CASR: variants seen among roughly 807,000 people sequenced by gnomAD.
CASR encodes extracellular calcium-sensing receptor.
A neutral mutation model predicts 69.1 loss-of-function variants in CASR; 23 were observed. The observed-to-expected ratio is 0.33, with a 90% CI of 0.24 to 0.47. The LOEUF is 0.47. Ranked by LOEUF, CASR falls within the 20% of genes least tolerant of loss-of-function variation. The probability of loss-of-function intolerance (pLI) is 1.00; values close to 1 mark genes in which losing one functional copy is unlikely to be tolerated. For synonymous variants in CASR, 541 were observed against 544.7 expected, an observed-to-expected ratio of 0.99 and a Z score of 0.10; for missense variants, 924 against 1,356.1, an observed-to-expected ratio of 0.68 and a Z score of 5.00.
chr3:122,213,408 C>T (rs911331460), intron 1 of CASR, among the ~76,000 whole-genome samples: 9 of 152,194 alleles, frequency 5.9e-5, no homozygotes, highest in African/African-American at 2.2e-4. Context: ...CTGCAGACCC[C>T]AATCATGTCC....
chr3:122,236,934 G>A (rs2107612090), intron 1 of CASR, among the ~76,000 whole-genome samples: 1 of 152,090 alleles, frequency 6.6e-6, no homozygotes, highest in African/African-American at 2.4e-5. Flanking sequence ...TTTGTCTCTG[G>A]CCTTTCATTG....
intron 3 of CASR, among the ~76,000 whole-genome samples, chr3:122,257,838 A>G (rs1047488427): frequency 6.6e-6 from 1 of 152,242 alleles, no homozygotes; most frequent in African/African-American, 2.4e-5. Context: ...GAAGCAGAGC[A>G]TATTTTCTCA....
In CASR at chr3:122,290,903, T is replaced by C. The variant is rs1472587649; in HGVS notation, c.*5712T>C. Reference sequence around the variant, plus strand: ...CCTCCCCCCACCCCACAATAGGCCCTGGTGTGTGATGTTCCCCTTCCTGTG... The same window carrying C: ...CCTCCCCCCACCCCACAATAGGCCCCGGTGTGTGATGTTCCCCTTCCTGTG... On this transcript the variant is annotated 3_prime_UTR_variant, in exon 7 of 7. Coordinates refer to ENST00000639785, the MANE Select transcript of CASR (RefSeq NM_000388.4). 14 of 122,408 alleles carry C rather than the reference T, an allele frequency of 1.1e-4. No individual in the cohort carries two copies. The highest frequency in any genetic ancestry group is 2.1e-4 in the Non-Finnish European group (13 of 61,966). 7.6% of individuals were successfully genotyped at this position (122,408 alleles called of 1,614,324 possible). A position where few individuals can be genotyped will look rare whatever the true frequency, so the allele number is the denominator to read the frequency against.
intron 4 of CASR, among the ~76,000 whole-genome samples, chr3:122,262,676 G>GT (rs2074642301): frequency 6.6e-6 from 1 of 152,148 alleles, no homozygotes; most frequent in Non-Finnish European, 1.5e-5. Context: ...GTCCCCAAAA[G>GT]TTTTCAAATA....
In CASR at chr3:122,253,980, C is replaced by A. The variant is rs2074525250; in HGVS notation, c.-210C>A. Reference sequence around the variant, plus strand: ...CACAGGAGGCCTCTGCATGATGTGGCTTCCAAAGACTCAAGGACCACCCAC... The same window carrying A: ...CACAGGAGGCCTCTGCATGATGTGGATTCCAAAGACTCAAGGACCACCCAC... On this transcript the variant is annotated 5_prime_UTR_variant, in exon 2 of 7. Coordinates refer to ENST00000639785, the MANE Select transcript of CASR (RefSeq NM_000388.4). 1 of 609,504 alleles carries A rather than the reference C, an allele frequency of 1.6e-6. No individual in the cohort carries two copies. The highest frequency in any genetic ancestry group is 2.9e-6 in the Non-Finnish European group (1 of 341,638). The allele number at this position is 609,504 out of a possible 1,614,324, so 37.8% of individuals were successfully genotyped here.
In CASR at chr3:122,275,947, T is replaced by C. The variant is rs2107643628; in HGVS notation, c.1513T>C (p.Phe505Leu). 2.5e-6 allele frequency: 4 copies of C among 1,614,110 alleles called. No homozygotes were observed. Among genetic ancestry groups the C allele is most frequent in the Non-Finnish European group, 3.4e-6 (4 of 1,179,954 alleles). The change falls in exon 5 of 7, where the codon TTT becomes CTT. Residue 505 changes from phenylalanine to leucine, a missense_variant. Phe to Leu is a conservative substitution (Grantham distance 22). Transcript: ENST00000639785. ...CTCCCCAGAGGATGGCTCCATCGTGTTTAAGGAAGTCGGGTATTACAACGT... is the reference window on the plus strand; with the variant it reads ...CTCCCCAGAGGATGGCTCCATCGTGCTTAAGGAAGTCGGGTATTACAACGT... ...HLSPEDGSIV[F>L]KEVGYYNVYA...
chr3:122,231,999 C>A (rs567753693), intron 1 of CASR, among the ~76,000 whole-genome samples: 1 of 152,114 alleles, frequency 6.6e-6, no homozygotes, highest in African/African-American at 2.4e-5. Flanking sequence ...AGATAGCCAT[C>A]GCAGGAAGGA....
chr3:122,207,704 T>C (rs1290813647), intron 1 of CASR, among the ~76,000 whole-genome samples: 4 of 152,134 alleles, frequency 2.6e-5, no homozygotes, highest in Non-Finnish European at 4.4e-5. Flanking sequence ...GCAATAAAGA[T>C]GCTTATATCA....
At chr3:122,198,839 G>A (rs2073915208) in intron 1 of CASR, among the ~76,000 whole-genome samples, 1 of 142,378 alleles carries the variant, frequency 7.0e-6, no homozygotes, top group African/African-American at 2.7e-5. Flanking sequence ...ATATATGAGA[G>A]GATATATATA....
Position 122,254,076 on chromosome 3 carries a change from A to G in CASR, c.-114A>G, listed in dbSNP as rs200168711. On this transcript the variant is annotated 5_prime_UTR_variant, in exon 2 of 7. Coordinates refer to ENST00000639785, the MANE Select transcript of CASR (RefSeq NM_000388.4). The stretch of plus-strand genomic sequence containing the variant: ...CACGTCTTCTATTATTTTATTAATC[A>G]ATCTGTAGACATGTGTCCCCACTGC... 1.7e-4 allele frequency: 153 copies of G among 900,200 alleles called. No homozygotes were observed. The African/African-American group carries it at 2.1e-3, about 13-fold the overall frequency. The allele number at this position is 900,200 out of a possible 1,614,324, so 55.8% of individuals were successfully genotyped here. A position where few individuals can be genotyped will look rare whatever the true frequency, so the allele number is the denominator to read the frequency against.
At chr3:122,265,840 C>A (rs1229240170) in intron 4 of CASR, among the ~76,000 whole-genome samples, 1 of 152,134 alleles carries the variant, frequency 6.6e-6, no homozygotes, top group Non-Finnish European at 1.5e-5. Flanking sequence ...AGGCGTGCAG[C>A]CATGGTGAAG....
At chr3:122,245,296 A>G (rs922158004) in intron 1 of CASR, 1 of 152,182 alleles carries the variant, frequency 6.6e-6, no homozygotes, top group Admixed American at 6.5e-5. Flanking sequence ...AATATTTTCA[A>G]TCTGAAGTTG....
chr3:122,272,830 CT>C (rs2074775286), intron 4 of CASR, among the ~76,000 whole-genome samples: 1 of 152,178 alleles, frequency 6.6e-6, no homozygotes, highest in Admixed American at 6.5e-5. Flanking sequence ...TTAATGACTA[CT>C]TAGAAACTTT....
At chr3:122,243,927 A>C (rs2074402849) in intron 1 of CASR, among the ~76,000 whole-genome samples, 1 of 152,182 alleles carries the variant, frequency 6.6e-6, no homozygotes, top group Non-Finnish European at 1.5e-5. Context: ...TAAGCCACGA[A>C]GATGGACTTT....
At chr3:122,207,401 A>T (rs775219616) in intron 1 of CASR, among the ~76,000 whole-genome samples, 12 of 152,124 alleles carry the variant, frequency 7.9e-5, no homozygotes, top group Non-Finnish European at 1.5e-4. Flanking sequence ...ACATTCTCCA[A>T]ATAGACCATA....
intron 1 of CASR, among the ~76,000 whole-genome samples, chr3:122,252,371 G>GAAGT (rs2074495886): frequency 2.7e-5 from 1 of 37,266 alleles, no homozygotes; most frequent in Admixed American, 2.7e-4. Context: ...AAGAAGGAAG[G>GAAGT]AAGGAAGGAA....
At chr3:122,213,683 C>T (rs1260331340) in intron 1 of CASR, among the ~76,000 whole-genome samples, 1 of 152,160 alleles carries the variant, frequency 6.6e-6, no homozygotes, top group Admixed American at 6.5e-5. Context: ...CATATATTGC[C>T]TATATATAAT....
intron 1 of CASR, among the ~76,000 whole-genome samples, chr3:122,199,964 A>G (rs960399345): frequency 2.6e-5 from 4 of 152,148 alleles, no homozygotes. Flanking sequence ...CTGGAGAGCA[A>G]TGGTGCAATC....
chr3:122,235,009 AAG>A (rs1429111558), intron 1 of CASR, among the ~76,000 whole-genome samples: 1 of 152,230 alleles, frequency 6.6e-6, no homozygotes, highest in African/African-American at 2.4e-5. Context: ...TTCCCAAAGA[AAG>A]AGCCCCTGAA....
Sources: allele counts gnomAD v4.1 joint callset (sites outside exome capture counted in the v4.1 genomes callset), GRCh38; gene constraint gnomAD v4.1.1; transcripts MANE v1.5; gene names NCBI Gene and HGNC (gene_info 2026-07-23, HGNC 2026-07-21).